MCF2L: variants seen among roughly 807,000 people sequenced by gnomAD.
MCF2L encodes MCF.2 cell line derived transforming sequence like, also known as guanine nucleotide exchange factor DBS.
In MCF2L, 97 loss-of-function variants were observed where a neutral mutation model predicts 153.4. The ratio of observed to expected loss-of-function variants is 0.63; its 90% CI spans 0.54 to 0.75. MCF2L has a LOEUF of 0.75. Ranked by LOEUF, MCF2L falls within the 30% of genes least tolerant of loss-of-function variation. The pLI is 0.00. For synonymous variants in MCF2L, 659 were observed against 632.2 expected (o/e 1.04, Z -0.64); for missense variants, 1,347 against 1,495.2 (o/e 0.90, Z 1.64).
chr13:113,089,962 CGA>C, intron 26 of MCF2L: 1 of 1,596,844 alleles, frequency 6.3e-7, no homozygotes, highest in East Asian at 2.2e-5. Context: ...GAGCCTCGGC[CGA>C]GCGTGCAACC....
chr13:113,050,679 G>T (rs1405078366), intron 4 of MCF2L, among the ~76,000 whole-genome samples: 1 of 96,460 alleles, frequency 1.0e-5, no homozygotes, highest in African/African-American at 4.5e-5. Flanking sequence ...GTGGAGGGGG[G>T]GGTGGCTGGG....
At chr13:112,974,817 A>G (rs1018340370) in intron 1 of MCF2L, among the ~76,000 whole-genome samples, 11 of 152,214 alleles carry the variant, frequency 7.2e-5, no homozygotes, top group Non-Finnish European at 1.0e-4. Context: ...ATGAGTAGAG[A>G]ATAATTTTAA....
chr13:112,979,689 C>CG, intron 1 of MCF2L: 4 of 1,612,952 alleles, frequency 2.5e-6, no homozygotes, highest in Non-Finnish European at 3.4e-6. Context: ...GGGAGCATCC[C>CG]GGGGAACCCT....
At chr13:112,945,355 A>G (rs1215159694) in intron 2 of MCF2L, among the ~76,000 whole-genome samples, 1 of 152,220 alleles carries the variant, frequency 6.6e-6, no homozygotes, top group Non-Finnish European at 1.5e-5. Context: ...AGAAGTTATA[A>G]TAACTGTGGA....
At chr13:112,936,462 T>G (rs1295875306) in intron 2 of MCF2L, among the ~76,000 whole-genome samples, 1 of 152,140 alleles carries the variant, frequency 6.6e-6, no homozygotes, top group Non-Finnish European at 1.5e-5. Flanking sequence ...TCTAATGCAG[T>G]TAATGAGCTT....
chr13:112,896,546 C>A (rs557367952), intron 1 of MCF2L, among the ~76,000 whole-genome samples: 2 of 152,094 alleles, frequency 1.3e-5, no homozygotes, highest in African/African-American at 2.4e-5. Flanking sequence ...GGAGATGAGT[C>A]GTGTAGATAG....
At chr13:112,897,073 G>C (rs1257303439) in intron 1 of MCF2L, among the ~76,000 whole-genome samples, 1 of 152,168 alleles carries the variant, frequency 6.6e-6, no homozygotes, top group African/African-American at 2.4e-5. Context: ...TCTTTAGTGC[G>C]TGGCCAGCTG....
Position 113,034,900 on chromosome 13 carries a change from T to G in MCF2L, c.278+10142T>G, listed in dbSNP as rs183867152. On this transcript the variant is annotated intron_variant, in intron 3 of 29. Coordinates refer to ENST00000535094, the MANE Select transcript of MCF2L (RefSeq NM_001112732.3). ...AGGTCTGCCCGAGGTGAGGAAGGTC[T>G]GCCCGAGGTGAGGAAGGTCTGCCCG... Among the ~76,000 whole-genome samples the G allele has an allele frequency of 1.7e-3, 255 of 152,248 alleles. 1 individual carries two copies. Among genetic ancestry groups the G allele is most frequent in the African/African-American group, 5.5e-3 (230 of 41,564 alleles).
At chr13:113,089,385 CCG>C (rs2034975642) in intron 25 of MCF2L, among the ~76,000 whole-genome samples, 3 of 116,812 alleles carry the variant, frequency 2.6e-5, no homozygotes, top group African/African-American at 9.6e-5. Context: ...CTCATCCAGC[CCG>C]TCCGGGTTTA....
In MCF2L at chr13:113,088,195, C is replaced by T. The variant is rs2034824718; in HGVS notation, c.2689-132C>T. 1.8e-5 allele frequency: 15 copies of T among 816,084 alleles called. No homozygotes were observed. In the South Asian group the frequency reaches 2.2e-4, roughly 12 times the overall value. The allele number at this position is 816,084 out of a possible 1,614,324, so 50.6% of individuals were successfully genotyped here. On this transcript the variant is annotated intron_variant, in intron 23 of 29. Transcript: ENST00000535094. ...GCGGGGCCACCCACAGTGCTTTCCT[C>T]CTCTCCCCTCACACGCAGCCACCTG...
In MCF2L at chr13:113,084,842, T is replaced by G. The variant is rs771684343; in HGVS notation, c.2062-50T>G. 11 of 1,409,490 alleles carry G rather than the reference T, an allele frequency of 7.8e-6. No homozygotes were observed. The East Asian group carries it at 2.1e-4, about 26-fold the overall frequency. The allele number at this position is 1,409,490 out of a possible 1,614,324, so 87.3% of individuals were successfully genotyped here. A position where few individuals can be genotyped will look rare whatever the true frequency, so the allele number is the denominator to read the frequency against. ...GCGGTGCCCGTCCCTCACCGCGTGA[T>G]GCGCTGCCCATCCCTCACTGCGTGA... is the stretch of plus-strand genomic sequence containing the variant. On this transcript the variant is annotated intron_variant, in intron 18 of 29. Coordinates refer to ENST00000535094, the MANE Select transcript of MCF2L (RefSeq NM_001112732.3).
At chr13:112,948,500 C>T in intron 2 of MCF2L, among the ~76,000 whole-genome samples, 1 of 152,152 alleles carries the variant, frequency 6.6e-6, no homozygotes, top group Non-Finnish European at 1.5e-5. Context: ...CCACAAAGTC[C>T]TAGGACATGG....
intron 2 of MCF2L, among the ~76,000 whole-genome samples, chr13:112,926,124 T>C (rs534801833): frequency 1.2e-4 from 19 of 152,256 alleles, no homozygotes; most frequent in African/African-American, 4.3e-4. Flanking sequence ...AGCAGAGGGC[T>C]GTACAGCCTG....
intron 1 of MCF2L, among the ~76,000 whole-genome samples, chr13:112,898,084 A>G (rs1436879362): frequency 6.6e-6 from 1 of 151,948 alleles, no homozygotes; most frequent in Non-Finnish European, 1.5e-5. Context: ...CCCCACCTCT[A>G]CTCCACGTTA....
intron 3 of MCF2L, chr13:113,042,566 C>T (rs1051421173): frequency 1.1e-4 from 17 of 152,194 alleles, no homozygotes; most frequent in African/African-American, 3.1e-4. Flanking sequence ...CCAGTGGCAT[C>T]GGGCGCCTTT....
At chr13:113,030,646 T>C (rs1255986685) in intron 3 of MCF2L, among the ~76,000 whole-genome samples, 4 of 151,972 alleles carry the variant, frequency 2.6e-5, no homozygotes, top group Admixed American at 2.6e-4. Flanking sequence ...CCGACACAGG[T>C]GTGGGCCCTC....
intron 2 of MCF2L, among the ~76,000 whole-genome samples, chr13:112,918,563 G>A (rs916168047): frequency 2.0e-5 from 3 of 152,140 alleles, no homozygotes; most frequent in Non-Finnish European, 2.9e-5. Flanking sequence ...AGGCCTGGGG[G>A]GATGCAGCCT....
chr13:112,995,062 C>T (rs2083067740), intron 1 of MCF2L, among the ~76,000 whole-genome samples: 1 of 152,246 alleles, frequency 6.6e-6, no homozygotes, highest in Non-Finnish European at 1.5e-5. Context: ...GTGTCGCATC[C>T]TCTGACCTGC....
intron 4 of MCF2L, among the ~76,000 whole-genome samples, chr13:113,057,922 C>T (rs1257031468): frequency 7.7e-6 from 1 of 129,984 alleles, no homozygotes; most frequent in Non-Finnish European, 1.6e-5. Flanking sequence ...TGTTTGGGTG[C>T]TGAGTGTTGG....
Sources: gnomAD v4.1 joint callset for allele counts (sites outside exome capture counted in the v4.1 genomes callset) on GRCh38, gnomAD v4.1.1 for gene constraint, MANE v1.5 for transcripts, NCBI Gene and HGNC (gene_info 2026-07-23, HGNC 2026-07-21) for gene names.